The following GALNT17 variants were observed in gnomAD, a reference collection of about 807,000 sequenced individuals.
The protein encoded by GALNT17 is polypeptide N-acetylgalactosaminyltransferase 17, also known as UDP-GalNAc:polypeptide N-acetylgalactosaminyltransferase-like 3.
Under a neutral mutation model 63.7 loss-of-function variants are expected in GALNT17, and 29 were observed. The observed-to-expected ratio is 0.46, with a 90% CI of 0.34 to 0.62. The LOEUF is 0.62. GALNT17 is among the 20% of genes least tolerant of loss of function. The pLI is 0.01. For synonymous variants in GALNT17, 305 were observed against 318.3 expected (o/e 0.96, Z 0.45); for missense variants, 603 against 799.6 (o/e 0.75, Z 2.97).
chr7:71,612,679 G>A lies in GALNT17; in HGVS notation c.1080+41277G>A, dbSNP rs138728398. 7.9e-5 allele frequency among the ~76,000 whole-genome samples: 12 copies of A among 152,306 alleles called. No individual in the cohort carries two copies. In the East Asian group the frequency reaches 9.6e-4, roughly 12 times the overall value. On this transcript the variant is annotated intron_variant, in intron 6 of 10. Coordinates refer to ENST00000333538, the MANE Select transcript of GALNT17 (RefSeq NM_022479.3). ...CTCAGTAACAAAAGACAAGGGAACCGATTCCTGCAATTGTTTCCCTTTGGA... is the reference window on the plus strand; with the variant it reads ...CTCAGTAACAAAAGACAAGGGAACCAATTCCTGCAATTGTTTCCCTTTGGA...
intron 1 of GALNT17, among the ~76,000 whole-genome samples, chr7:71,222,132 C>G (rs1386306706): frequency 1.3e-5 from 2 of 151,834 alleles, no homozygotes; most frequent in African/African-American, 2.4e-5. Flanking sequence ...GACTCAAACT[C>G]TTGACCTCAG....
intron 1 of GALNT17, among the ~76,000 whole-genome samples, chr7:71,298,949 G>T (rs1360622845): frequency 6.6e-6 from 1 of 152,152 alleles, no homozygotes; most frequent in Non-Finnish European, 1.5e-5. Context: ...TATCTCCATT[G>T]ATGGGCACAC....
chr7:71,640,270 A>C (rs1322149335), intron 6 of GALNT17, among the ~76,000 whole-genome samples: 1 of 152,166 alleles, frequency 6.6e-6, no homozygotes, highest in Non-Finnish European at 1.5e-5. Flanking sequence ...CCTCTTGTAA[A>C]ACTTGTATTT....
At chr7:71,548,975 G>A (rs1789030635) in intron 5 of GALNT17, among the ~76,000 whole-genome samples, 1 of 152,190 alleles carries the variant, frequency 6.6e-6, no homozygotes, top group Non-Finnish European at 1.5e-5. Flanking sequence ...AGTGGGGTGT[G>A]TGGGAGAAAC....
chr7:71,659,078 C>T (rs1273348351), intron 6 of GALNT17, among the ~76,000 whole-genome samples: 1 of 152,202 alleles, frequency 6.6e-6, no homozygotes, highest in Admixed American at 6.5e-5. Flanking sequence ...AGTGGCTTCT[C>T]ATTTACAACA....
intron 1 of GALNT17, among the ~76,000 whole-genome samples, chr7:71,310,160 G>A (rs1791390967): frequency 6.6e-6 from 1 of 152,166 alleles, no homozygotes; most frequent in African/African-American, 2.4e-5. Context: ...TCTTGCTTTT[G>A]TAAATTGCCC....
chr7:71,184,955 CCTTCCT>C (rs1788811188), intron 1 of GALNT17, among the ~76,000 whole-genome samples: 1 of 98,910 alleles, frequency 1.0e-5, no homozygotes, highest in African/African-American at 5.6e-5. Context: ...TTCCTTCCTT[CCTTCCT>C]TCCTTCCTTC....
rs186772238 is a variant in GALNT17, at chr7:71,507,763, T to C, written c.963-63522T>C. Among the ~76,000 whole-genome samples the C allele has an allele frequency of 3.3e-5, 5 of 152,130 alleles. No individual in the cohort carries two copies. The East Asian group carries it at 9.7e-4, about 29-fold the overall frequency. On this transcript the variant is annotated intron_variant, in intron 5 of 10. Coordinates refer to ENST00000333538, the MANE Select transcript of GALNT17 (RefSeq NM_022479.3). ...TAGAACACTGCACACTTGCCCAGAGTTGGGAAGGAACTGGGAGGTGTTTGC... is the reference window on the plus strand; with the variant it reads ...TAGAACACTGCACACTTGCCCAGAGCTGGGAAGGAACTGGGAGGTGTTTGC...
At chr7:71,632,193 G>A (rs973473052) in intron 6 of GALNT17, among the ~76,000 whole-genome samples, 17 of 152,200 alleles carry the variant, frequency 1.1e-4, no homozygotes, top group African/African-American at 4.1e-4. Context: ...ATAAGGAACA[G>A]CCTTGTGTCC....
At position 71,171,925 on chromosome 7, in the gene GALNT17, G is replaced by A. The variant is rs578128337; in HGVS notation, c.238+38885G>A. Among the ~76,000 whole-genome samples the A allele has an allele frequency of 3.3e-4, 50 of 152,198 alleles. 1 individual carries two copies. In the South Asian group the frequency reaches 8.3e-3, roughly 25 times the overall value. Reference sequence around the variant, plus strand: ...CCTTGACTATTTTTGACTTTCCGTCGTTTGAGATTTACTTTCCAGAAAGGA... The same window carrying A: ...CCTTGACTATTTTTGACTTTCCGTCATTTGAGATTTACTTTCCAGAAAGGA... On this transcript the variant is annotated intron_variant, in intron 1 of 10. Transcript: ENST00000333538.
At chr7:71,295,313 A>ATCT (rs969744948) in intron 1 of GALNT17, among the ~76,000 whole-genome samples, 3 of 152,086 alleles carry the variant, frequency 2.0e-5, no homozygotes, top group African/African-American at 4.8e-5. Context: ...CTAGGCAGCT[A>ATCT]TCTATTCCAT....
At chr7:71,369,811 C>CAAAAAAA (rs763387719) in intron 2 of GALNT17, among the ~76,000 whole-genome samples, 11 of 72,132 alleles carry the variant, frequency 1.5e-4, no homozygotes, top group Non-Finnish European at 2.4e-4. Flanking sequence ...GGCTTTTTGT[C>CAAAAAAA]AAAAAAAAAA....
At chr7:71,385,723 G>A (rs1342367920) in intron 2 of GALNT17, among the ~76,000 whole-genome samples, 1 of 152,162 alleles carries the variant, frequency 6.6e-6, no homozygotes, top group Non-Finnish European at 1.5e-5. Context: ...CGGTGCACCT[G>A]GCTGCAGAGG....
At chr7:71,517,123 G>T (rs1276246288) in intron 5 of GALNT17, among the ~76,000 whole-genome samples, 1 of 152,194 alleles carries the variant, frequency 6.6e-6, no homozygotes, top group Non-Finnish European at 1.5e-5. Flanking sequence ...GGACTAGGCA[G>T]CTTAAACAAC....
At chr7:71,481,429 G>A (rs13235213) in intron 5 of GALNT17, among the ~76,000 whole-genome samples, 66,387 of 152,072 alleles carry the variant, frequency 0.44, 16,295 homozygotes, top group Non-Finnish European at 0.56. Context: ...CAGCCTGGGC[G>A]ACAGAGCGAG....
intron 6 of GALNT17, among the ~76,000 whole-genome samples, chr7:71,655,312 T>G (rs1199838962): frequency 6.6e-6 from 1 of 152,092 alleles, no homozygotes; most frequent in Non-Finnish European, 1.5e-5. Flanking sequence ...GGAAGGGAAT[T>G]TTGGACAGAT....
chr7:71,418,308 T>G (rs1786585127), intron 4 of GALNT17, among the ~76,000 whole-genome samples: 1 of 152,220 alleles, frequency 6.6e-6, no homozygotes, highest in African/African-American at 2.4e-5. Context: ...TAGAACCCTC[T>G]CTGAATTAAA....
At chr7:71,227,654 A>G (rs1432578590) in intron 1 of GALNT17, among the ~76,000 whole-genome samples, 1 of 152,194 alleles carries the variant, frequency 6.6e-6, no homozygotes, top group Non-Finnish European at 1.5e-5. Context: ...GATGGCATAC[A>G]GCATGAGGTT....
At chr7:71,256,151 A>C (rs1330552199) in intron 1 of GALNT17, among the ~76,000 whole-genome samples, 4 of 152,198 alleles carry the variant, frequency 2.6e-5, no homozygotes. Context: ...TCCATTTACC[A>C]ATCAGAAAAT....
Sources: gnomAD v4.1 joint callset for allele counts (sites outside exome capture counted in the v4.1 genomes callset) on GRCh38, gnomAD v4.1.1 for gene constraint, MANE v1.5 for transcripts, NCBI Gene and HGNC (gene_info 2026-07-23, HGNC 2026-07-21) for gene names.